The following USH2A variants were observed in gnomAD, a reference collection of about 807,000 sequenced individuals.
USH2A encodes usherin.
In USH2A, 443 loss-of-function variants were observed where a neutral mutation model predicts 538.9. The ratio of observed to expected loss-of-function variants is 0.82; its 90% CI spans 0.76 to 0.89. The LOEUF is 0.89. Among genes scored for constraint, USH2A ranks in the 40% least tolerant of loss-of-function variants. The pLI is 0.00. For synonymous variants in USH2A, 2,413 were observed against 2,273.5 expected, an observed-to-expected ratio of 1.06 and a Z score of -1.75; for missense variants, 6,633 against 6,324.8, an observed-to-expected ratio of 1.05 and a Z score of -1.65.
chr1:215,794,232 G>T (rs1481249881), intron 50 of USH2A, among the ~76,000 whole-genome samples: 5 of 152,184 alleles, frequency 3.3e-5, no homozygotes. Context: ...AAAGACAACT[G>T]AACTGGGACC....
chr1:216,177,359 T>A (rs1254363643), intron 20 of USH2A, among the ~76,000 whole-genome samples: 2 of 152,180 alleles, frequency 1.3e-5, no homozygotes, highest in Non-Finnish European at 2.9e-5. Flanking sequence ...ATATCTTCTT[T>A]GGTCAAAAAA....
At chr1:216,173,239 CAAT>C (rs2034306496) in intron 21 of USH2A, among the ~76,000 whole-genome samples, 2 of 152,066 alleles carry the variant, frequency 1.3e-5, no homozygotes, top group South Asian at 4.1e-4. Context: ...CGGTACAACT[CAAT>C]AAAATCATTC....
intron 14 of USH2A, among the ~76,000 whole-genome samples, chr1:216,228,527 G>A (rs2035608234): frequency 6.6e-6 from 1 of 152,046 alleles, no homozygotes; most frequent in African/African-American, 2.4e-5. Flanking sequence ...TCTCATGAGA[G>A]TAAATAAGTC....
intron 43 of USH2A, among the ~76,000 whole-genome samples, chr1:215,870,627 A>G (rs1664602925): frequency 6.6e-6 from 1 of 152,006 alleles, no homozygotes; most frequent in Non-Finnish European, 1.5e-5. Context: ...CCTCTTAAAT[A>G]CTAAAATATA....
At chr1:216,300,444 C>T (rs1203918982) in intron 9 of USH2A, among the ~76,000 whole-genome samples, 1 of 152,142 alleles carries the variant, frequency 6.6e-6, no homozygotes, top group Non-Finnish European at 1.5e-5. Context: ...CATTTAACTG[C>T]TTTCATTTTG....
intron 24 of USH2A, chr1:216,085,116 C>T: frequency 2.1e-6 from 1 of 479,180 alleles, no homozygotes; most frequent in Non-Finnish European, 3.7e-6. Context: ...TATGCAGAAA[C>T]CTTGGTTTTG....
chr1:215,974,043 T>C (rs1434542927), intron 35 of USH2A, among the ~76,000 whole-genome samples: 1 of 151,654 alleles, frequency 6.6e-6, no homozygotes, highest in African/African-American at 2.4e-5. Flanking sequence ...GAAGGATGAA[T>C]TGTGGAACCA....
chr1:216,063,615 A>G (rs2031256002), intron 30 of USH2A, among the ~76,000 whole-genome samples: 1 of 152,222 alleles, frequency 6.6e-6, no homozygotes, highest in African/African-American at 2.4e-5. Flanking sequence ...AGCATAAAAC[A>G]TGATGGCAGA....
chr1:215,741,514 T>G lies in USH2A; in HGVS notation c.11572A>C (p.Met3858Leu), dbSNP rs974565964. 6.2e-7 allele frequency: 1 copy of G among 1,613,272 alleles called. No individual in the cohort carries two copies. The highest frequency in any genetic ancestry group is 1.1e-5 in the South Asian group (1 of 90,884). ...QNGSCGVSSR[M>L]FVKTPEAAPM... is the part of the protein sequence containing the mutation. ...GCTGCTTCAGGTGTTTTGACAAACA[T>G]CCTACTGCTAACTCCACAACTTCCT... is the stretch of plus-strand genomic sequence containing the variant. Residue 3858 changes from methionine to leucine, a missense_variant, in exon 60 of 72, where the codon ATG becomes CTG. Transcript: ENST00000307340.
chr1:215,804,023 A>C (rs1220284677), intron 49 of USH2A, among the ~76,000 whole-genome samples: 1 of 152,240 alleles, frequency 6.6e-6, no homozygotes, highest in Non-Finnish European at 1.5e-5. Context: ...GACAAAAACA[A>C]GAAATGGGAA....
chr1:216,321,273 G>A (rs1021329459), intron 9 of USH2A, among the ~76,000 whole-genome samples: 36 of 152,146 alleles, frequency 2.4e-4, no homozygotes, highest in South Asian at 1.0e-3. Flanking sequence ...TCCTACCAAC[G>A]AATGTTTCTT....
At chr1:216,363,577 A>C (rs1257321709) in intron 4 of USH2A, among the ~76,000 whole-genome samples, 1 of 152,158 alleles carries the variant, frequency 6.6e-6, no homozygotes, top group African/African-American at 2.4e-5. Flanking sequence ...GTTGATATAT[A>C]TAAATGGAAA....
intron 35 of USH2A, among the ~76,000 whole-genome samples, chr1:215,974,964 A>G (rs944657347): frequency 6.6e-6 from 1 of 152,178 alleles, no homozygotes. Flanking sequence ...ACAGTATATA[A>G]GCATTCAACC....
chr1:215,653,114 G>T (rs1429403584), intron 64 of USH2A, among the ~76,000 whole-genome samples: 1 of 152,158 alleles, frequency 6.6e-6, no homozygotes, highest in Non-Finnish European at 1.5e-5. Context: ...TGTAGATATA[G>T]AATCATAAAT....
At chr1:216,311,473 G>T (rs759234585) in intron 9 of USH2A, among the ~76,000 whole-genome samples, 2 of 152,106 alleles carry the variant, frequency 1.3e-5, no homozygotes, top group South Asian at 2.1e-4. Flanking sequence ...ATTTCCTTAT[G>T]GCCCTGGGAA....
At chr1:215,698,437 C>A (rs1223263340) in intron 61 of USH2A, among the ~76,000 whole-genome samples, 1 of 152,220 alleles carries the variant, frequency 6.6e-6, no homozygotes, top group African/African-American at 2.4e-5. Flanking sequence ...TACACTCCCA[C>A]CAACAGTGTA....
intron 58 of USH2A, among the ~76,000 whole-genome samples, chr1:215,756,736 C>T (rs1302449591): frequency 1.3e-5 from 2 of 151,942 alleles, no homozygotes; most frequent in South Asian, 4.2e-4. Context: ...CGAGCCTGGC[C>T]AGCATGGTGA....
At chr1:216,020,100 C>A (rs1668813456) in intron 32 of USH2A, among the ~76,000 whole-genome samples, 1 of 152,108 alleles carries the variant, frequency 6.6e-6, no homozygotes, top group Non-Finnish European at 1.5e-5. Context: ...GTTGACATTT[C>A]TGTGGGAAAG....
intron 3 of USH2A, among the ~76,000 whole-genome samples, chr1:216,403,173 A>T (rs576200931): frequency 6.6e-6 from 1 of 152,188 alleles, no homozygotes; most frequent in Non-Finnish European, 1.5e-5. Flanking sequence ...AATAGACTAA[A>T]GAAGAAAAAT....
Sources: allele counts gnomAD v4.1 joint callset (sites outside exome capture counted in the v4.1 genomes callset), GRCh38; gene constraint gnomAD v4.1.1; transcripts MANE v1.5; gene names NCBI Gene and HGNC (gene_info 2026-07-23, HGNC 2026-07-21).